SDHA: variants seen among roughly 807,000 people sequenced by gnomAD.
The protein encoded by SDHA is succinate dehydrogenase complex flavoprotein subunit A.
In SDHA, 48 loss-of-function variants were observed where a neutral mutation model predicts 78.4. The ratio of observed to expected loss-of-function variants is 0.61; its 90% CI spans 0.49 to 0.78. The LOEUF is 0.78. Among genes scored for constraint, SDHA ranks in the 30% least tolerant of loss-of-function variants. The probability of loss-of-function intolerance (pLI) is 0.00; values close to 1 mark genes in which losing one functional copy is unlikely to be tolerated. For synonymous variants in SDHA, 326 were observed against 353.9 expected (o/e 0.92, Z 0.88); for missense variants, 680 against 892.7 (o/e 0.76, Z 3.04).
Position 230,972 on chromosome 5 carries a change from C to G in SDHA, c.867C>G (p.Asp289Glu). Reference protein sequence around the residue: ...MITRAGLPCQDLEFVQFHPTG... With the variant: ...MITRAGLPCQELEFVQFHPTG... The stretch of plus-strand genomic sequence containing the variant: ...CCAGGGCAGGCCTTCCTTGCCAGGA[C>G]CTAGAGTTTGTTCAGTTCCACCCTA... Residue 289 changes from aspartate to glutamate, a missense_variant, in exon 7 of 15, where the codon GAC (aspartate) becomes GAG (glutamate). Physicochemically the swap from Asp to Glu is conservative, Grantham distance 45. Transcript: ENST00000264932. The G allele has an allele frequency of 1.9e-6, 3 of 1,613,960 alleles. No homozygotes were observed. The highest frequency in any genetic ancestry group is 2.5e-6 in the Non-Finnish European group (3 of 1,179,870).
At chr5:251,730 A>G (rs1353354375) in intron 13 of SDHA, 3 of 1,426,408 alleles carry the variant, frequency 2.1e-6, no homozygotes, top group South Asian at 1.2e-5. Context: ...TTAGAAGGCC[A>G]AGGTTAGAAG....
intron 10 of SDHA, among the ~76,000 whole-genome samples, chr5:237,203 G>A (rs1432041889): frequency 7.4e-6 from 1 of 134,924 alleles, no homozygotes; most frequent in Non-Finnish European, 1.5e-5. Flanking sequence ...ATTTTTAGGG[G>A]AATCATTACA....
At chr5:222,296 T>G (rs6881920) in intron 1 of SDHA, among the ~76,000 whole-genome samples, 4 of 150,902 alleles carry the variant, frequency 2.7e-5, no homozygotes, top group African/African-American at 7.3e-5. Flanking sequence ...TTGAAGACAT[T>G]CCTCACATCC....
At chr5:251,690 G>T (rs371765093) in intron 13 of SDHA, 1 of 1,488,776 alleles carries the variant, frequency 6.7e-7, no homozygotes, top group Non-Finnish European at 9.0e-7. Flanking sequence ...GATGCCAGCA[G>T]TGGCATCTCC....
At chr5:220,671 G>A (rs948129088) in intron 1 of SDHA, among the ~76,000 whole-genome samples, 2 of 150,760 alleles carry the variant, frequency 1.3e-5, no homozygotes, top group Non-Finnish European at 2.9e-5. Context: ...AGGATCCAGA[G>A]CCAGGCCGGC....
rs748988786 is a variant in SDHA at position 250,950 on chromosome 5, T to C, written c.1552-42T>C. The C allele has an allele frequency of 5.9e-5, 92 of 1,548,562 alleles. 1 individual carries two copies. The highest frequency in any genetic ancestry group is 6.2e-6 in the Non-Finnish European group (7 of 1,122,220). The stretch of plus-strand genomic sequence containing the variant: ...GTTAAGCAGTTCTTGGTATGGCTGC[T>C]TCTATGGATTAAAAGTTTACAAATA... On this transcript the variant is annotated intron_variant, in intron 11 of 14. Coordinates refer to ENST00000264932, the MANE Select transcript of SDHA (RefSeq NM_004168.4).
chr5:238,710 C>T (rs1687943196), intron 10 of SDHA, among the ~76,000 whole-genome samples: 1 of 152,134 alleles, frequency 6.6e-6, no homozygotes, highest in African/African-American at 2.4e-5. Context: ...TATAATCCCA[C>T]CGCTTTGGGA....
intron 6 of SDHA, among the ~76,000 whole-genome samples, chr5:229,924 A>T (rs1484868926): frequency 6.6e-6 from 1 of 150,966 alleles, no homozygotes; most frequent in African/African-American, 2.5e-5. Flanking sequence ...ATTATACAGC[A>T]CGGTGGCTAG....
At chr5:236,096 C>T (rs184071919) in intron 9 of SDHA, 31 of 382,314 alleles carry the variant, frequency 8.1e-5, no homozygotes, top group African/African-American at 5.8e-4. Context: ...GCGATCTCAG[C>T]TCACTGCAAC....
chr5:255,280 G>A lies in SDHA; in HGVS notation c.1908+774G>A, dbSNP rs563036431. ...CTTGTAAGAGTCGTATAATCACTTA[G>A]CTGTGTCTGTGGAAGTTACCTTTGG... is the stretch of plus-strand genomic sequence containing the variant. On this transcript the variant is annotated intron_variant, in intron 14 of 14. Coordinates refer to ENST00000264932, the MANE Select transcript of SDHA (RefSeq NM_004168.4). Among the ~76,000 whole-genome samples the A allele has an allele frequency of 5.9e-5, 9 of 151,832 alleles. No homozygotes were observed. The East Asian group carries it at 1.5e-3, about 26-fold the overall frequency.
chr5:263,467 A>G, the SDHA span, among the ~76,000 whole-genome samples: 2 of 152,208 alleles, frequency 1.3e-5, no homozygotes, highest in South Asian at 2.1e-4. Context: ...TTAAAAGTGC[A>G]TACTGTGTAC....
chr5:251,056 T>G lies in SDHA; in HGVS notation c.1616T>G (p.Ile539Ser), dbSNP rs749219128. The G allele has an allele frequency of 1.1e-5, 18 of 1,611,938 alleles. No individual in the cohort carries two copies. Among genetic ancestry groups the G allele is most frequent in the Non-Finnish European group, 1.4e-5 (16 of 1,179,846 alleles). ...GSVLQEGCGK[I>S]SKLYGDLKHL... ...GTGTTGCAAGAAGGTTGTGGGAAAATCAGCAAGCTCTATGGAGACCTAAAG... is the reference window on the plus strand; with the variant it reads ...GTGTTGCAAGAAGGTTGTGGGAAAAGCAGCAAGCTCTATGGAGACCTAAAG... Residue 539 changes from isoleucine (I) to serine (S), a missense_variant, in exon 12 of 15, where the codon ATC becomes AGC. Ile to Ser is a moderately radical substitution (Grantham distance 142). Coordinates refer to ENST00000264932, the MANE Select transcript of SDHA (RefSeq NM_004168.4).
At chr5:219,655 G>T (rs565017038) in intron 1 of SDHA, among the ~76,000 whole-genome samples, 4 of 152,144 alleles carry the variant, frequency 2.6e-5, no homozygotes, top group Non-Finnish European at 5.9e-5. Flanking sequence ...CCGCATCTTG[G>T]GCTTTTAAGA....
intron 11 of SDHA, among the ~76,000 whole-genome samples, chr5:241,033 C>T (rs1255257740): frequency 6.6e-6 from 1 of 152,042 alleles, no homozygotes; most frequent in Non-Finnish European, 1.5e-5. Flanking sequence ...ACGTACTCCT[C>T]ACCGTATCAA....
intron 1 of SDHA, chr5:220,215 C>T: frequency 2.5e-6 from 1 of 405,600 alleles, no homozygotes; most frequent in Non-Finnish European, 5.0e-6. Context: ...ACTTATTTTG[C>T]TTTTGGTTTC....
chr5:223,773 CTG>C (rs1734846541), intron 2 of SDHA, among the ~76,000 whole-genome samples: 1 of 147,668 alleles, frequency 6.8e-6, no homozygotes, highest in Non-Finnish European at 1.5e-5. Context: ...TTACTTGTAT[CTG>C]TTATGTATCT....
chr5:244,990 A>C (rs528263332), intron 11 of SDHA, among the ~76,000 whole-genome samples: 1 of 152,152 alleles, frequency 6.6e-6, no homozygotes, highest in African/African-American at 2.4e-5. Context: ...AAGGTTTAGG[A>C]TATTATTTTT....
At chr5:235,548 T>C in intron 9 of SDHA, 1 of 617,698 alleles carries the variant, frequency 1.6e-6, no homozygotes, top group Non-Finnish European at 2.9e-6. Flanking sequence ...TTGTCAGAGA[T>C]ACATCATTTG....
chr5:257,539 A>G (rs1228371744), downstream of SDHA, among the ~76,000 whole-genome samples: 2 of 134,002 alleles, frequency 1.5e-5, 1 homozygote, highest in African/African-American at 5.8e-5. Context: ...TTACTGTGTG[A>G]GCTCCGCGCC....
Sources: allele counts gnomAD v4.1 joint callset (sites outside exome capture counted in the v4.1 genomes callset), GRCh38; gene constraint gnomAD v4.1.1; transcripts MANE v1.5; gene names NCBI Gene and HGNC (gene_info 2026-07-23, HGNC 2026-07-21).